Variants in SOX5 observed in about 807,000 individuals in gnomAD.
SOX5 encodes the protein SRY-box transcription factor 5.
A neutral mutation model predicts 92.0 loss-of-function variants in SOX5; 9 were observed. The observed-to-expected ratio is 0.10, with a 90% CI of 0.06 to 0.17. The LOEUF (loss-of-function observed/expected upper bound fraction) is 0.17, where lower values mean the gene tolerates loss of function less well. Ranked by LOEUF, SOX5 falls within the 10% of genes least tolerant of loss-of-function variation. The pLI is 1.00. For synonymous variants in SOX5, 344 were observed against 336.3 expected, an observed-to-expected ratio of 1.02 and a Z score of -0.25; for missense variants, 642 against 944.5, an observed-to-expected ratio of 0.68 and a Z score of 4.20.
Position 23,533,453 on chromosome 12 carries a change from A to AAAG in SOX5, c.*763_*765dup, listed in dbSNP as rs1472808187. On this transcript the variant is annotated 3_prime_UTR_variant, in exon 15 of 15. Coordinates refer to ENST00000451604, the MANE Select transcript of SOX5 (RefSeq NM_006940.6). Reference sequence around the variant, plus strand: ...GTCCTAACTTAAGAAGGAAAAGGAAAAAGTAAAGAGAAAAAATGAACTTGG... The same window carrying AAAG: ...GTCCTAACTTAAGAAGGAAAAGGAAAAAGAAGTAAAGAGAAAAAATGAACTTGG... 6 of 190,922 alleles carry AAAG rather than the reference A, an allele frequency of 3.1e-5. No individual in the cohort carries two copies. The East Asian group carries it at 7.6e-4, about 24-fold the overall frequency. The allele number at this position is 190,922 out of a possible 1,614,324, so 11.8% of individuals were successfully genotyped here.
At chr12:24,427,102 T>C (rs531183759) in intron 1 of SOX5, among the ~76,000 whole-genome samples, 1 of 152,258 alleles carries the variant, frequency 6.6e-6, no homozygotes, top group Non-Finnish European at 1.5e-5. Context: ...ATATCCACAG[T>C]ACCTATTAGC....
chr12:24,382,711 A>G (rs1473866643), intron 1 of SOX5, among the ~76,000 whole-genome samples: 2 of 152,190 alleles, frequency 1.3e-5, no homozygotes, highest in African/African-American at 2.4e-5. Context: ...CCAGACAGGA[A>G]ATAGCGGAGG....
chr12:24,415,528 T>C (rs1964875151), intron 1 of SOX5, among the ~76,000 whole-genome samples: 1 of 152,148 alleles, frequency 6.6e-6, no homozygotes, highest in Admixed American at 6.5e-5. Flanking sequence ...CCTCAGCTGA[T>C]AAAGAATGAA....
intron 1 of SOX5, among the ~76,000 whole-genome samples, chr12:24,508,343 G>T (rs1043836174): frequency 1.3e-5 from 2 of 152,188 alleles, no homozygotes; most frequent in South Asian, 4.2e-4. Context: ...AAGGTAGGGG[G>T]CCAGGAATTA....
chr12:24,015,920 C>CAGAA (rs950642369), intron 4 of SOX5, among the ~76,000 whole-genome samples: 2 of 97,588 alleles, frequency 2.0e-5, no homozygotes, highest in African/African-American at 4.2e-5. Flanking sequence ...TCAATGGGGG[C>CAGAA]AGAAAAAAAA....
At chr12:24,045,352 T>C (rs909032278) in intron 4 of SOX5, among the ~76,000 whole-genome samples, 4 of 152,218 alleles carry the variant, frequency 2.6e-5, no homozygotes, top group East Asian at 1.9e-4. Flanking sequence ...AGGTACTCTA[T>C]TGGTGTTTAA....
At chr12:23,804,961 ATATATATTC>A (rs2095741321) in intron 3 of SOX5, among the ~76,000 whole-genome samples, 1 of 7,466 alleles carries the variant, frequency 1.3e-4, no homozygotes, top group Non-Finnish European at 3.6e-4. Flanking sequence ...ATATATATAT[ATATATATTC>A]CTTTAAAAAA....
At chr12:24,384,363 G>T (rs1009614534) in intron 1 of SOX5, among the ~76,000 whole-genome samples, 1 of 152,110 alleles carries the variant, frequency 6.6e-6, no homozygotes, top group Non-Finnish European at 1.5e-5. Flanking sequence ...TGTATGGCCC[G>T]GTTTCTAATA....
At chr12:23,549,083 T>C (rs2136118339) in intron 11 of SOX5, among the ~76,000 whole-genome samples, 1 of 152,166 alleles carries the variant, frequency 6.6e-6, no homozygotes, top group East Asian at 1.9e-4. Flanking sequence ...GGGTTAAATA[T>C]TTCCTTTTCT....
chr12:23,735,167 G>A lies in SOX5; in HGVS notation c.742-415C>T, dbSNP rs547049147. On this transcript the variant is annotated intron_variant, in intron 5 of 14. Transcript: ENST00000451604. ...GTAGCACAAAGTATTGCAAGACACTGTATTTATTAGTAAAGTTTTTGGTAT... is the reference window on the plus strand; with the variant it reads ...GTAGCACAAAGTATTGCAAGACACTATATTTATTAGTAAAGTTTTTGGTAT... 4.9e-4 allele frequency among the ~76,000 whole-genome samples: 75 copies of A among 152,202 alleles called. 2 individuals are homozygous for A. Among genetic ancestry groups the A allele is most frequent in the African/African-American group, 1.5e-3 (64 of 41,534 alleles).
chr12:23,792,178 G>A (rs912261242), intron 3 of SOX5, among the ~76,000 whole-genome samples: 12 of 151,952 alleles, frequency 7.9e-5, no homozygotes, highest in African/African-American at 2.7e-4. Flanking sequence ...AAGACCAGAA[G>A]GAAAGCTTAG....
chr12:23,906,910 AT>A (rs1330092882), intron 1 of SOX5, among the ~76,000 whole-genome samples: 3 of 151,074 alleles, frequency 2.0e-5, no homozygotes, highest in Non-Finnish European at 2.9e-5. Context: ...ATATGTATAA[AT>A]TTTAGGTTAT....
intron 8 of SOX5, among the ~76,000 whole-genome samples, chr12:23,608,585 T>C (rs1382202896): frequency 1.3e-5 from 2 of 152,108 alleles, no homozygotes; most frequent in Non-Finnish European, 2.9e-5. Context: ...CTACTTCTAG[T>C]GGAAAACTTA....
chr12:23,591,562 G>A (rs904964220), intron 9 of SOX5, among the ~76,000 whole-genome samples: 4 of 152,072 alleles, frequency 2.6e-5, no homozygotes, highest in Non-Finnish European at 5.9e-5. Flanking sequence ...ATTACCTAGA[G>A]GTTCTCTTAA....
chr12:24,152,970 C>G lies in SOX5; in HGVS notation c.-2+60373G>C, dbSNP rs141002986. Among the ~76,000 whole-genome samples, 13 of 152,140 alleles carry G rather than the reference C, an allele frequency of 8.5e-5. 1 individual carries two copies. Among genetic ancestry groups the G allele is most frequent in the African/African-American group, 2.9e-4 (12 of 41,512 alleles). On this transcript the variant is annotated intron_variant, in intron 4 of 4. Transcript: ENST00000446891. ...TTGATGTGGAGCACAGTGTTGAGCT[C>G]GAAGACTCTGATGAGTTAAATGGTG...
chr12:23,913,964 A>G (rs2097382643), intron 1 of SOX5, among the ~76,000 whole-genome samples: 1 of 152,156 alleles, frequency 6.6e-6, no homozygotes, highest in Admixed American at 6.5e-5. Flanking sequence ...CCAGCATTTC[A>G]TCCTTGTTAA....
chr12:24,237,061 A>G (rs955865026), intron 3 of SOX5, among the ~76,000 whole-genome samples: 1 of 152,198 alleles, frequency 6.6e-6, no homozygotes. Flanking sequence ...CTGCCAAGAA[A>G]TTGATAATTT....
intron 4 of SOX5, among the ~76,000 whole-genome samples, chr12:23,966,149 T>C: frequency 6.9e-6 from 1 of 144,890 alleles, no homozygotes; most frequent in African/African-American, 2.6e-5. Flanking sequence ...ATCTAACATC[T>C]TTTTTTCCAG....
chr12:23,801,576 T>A (rs2095659707), intron 3 of SOX5, among the ~76,000 whole-genome samples: 2 of 152,174 alleles, frequency 1.3e-5, no homozygotes, highest in Admixed American at 1.3e-4. Context: ...TAGTCAAATA[T>A]TAGGATATTA....
Sources: gnomAD v4.1 joint callset for allele counts (sites outside exome capture counted in the v4.1 genomes callset) on GRCh38, gnomAD v4.1.1 for gene constraint, MANE v1.5 for transcripts, NCBI Gene and HGNC (gene_info 2026-07-23, HGNC 2026-07-21) for gene names.